The following MAPK10 variants were observed in gnomAD, a reference collection of about 807,000 sequenced individuals.
The protein encoded by MAPK10 is mitogen-activated protein kinase 10.
In MAPK10, 25 loss-of-function variants were observed where a neutral mutation model predicts 59.3. That is an observed-to-expected ratio of 0.42 (90% CI 0.31 to 0.59). MAPK10 has a LOEUF of 0.59. MAPK10 is among the 20% of genes least tolerant of loss of function. The pLI is 0.15. For synonymous variants in MAPK10, 190 were observed against 200.5 expected (o/e 0.95, Z 0.44); for missense variants, 351 against 568.9 (o/e 0.62, Z 3.90).
At chr4:86,061,523 C>A (rs1241155013) in intron 11 of MAPK10, among the ~76,000 whole-genome samples, 2 of 152,108 alleles carry the variant, frequency 1.3e-5, no homozygotes, top group Admixed American at 6.6e-5. Flanking sequence ...GACTAATTTT[C>A]CCTCTCAGAA....
upstream of MAPK10, among the ~76,000 whole-genome samples, chr4:86,361,017 G>A (rs1736852892): frequency 3.3e-5 from 5 of 151,992 alleles, no homozygotes; most frequent in South Asian, 1.0e-3. Context: ...TTTTGAGGTG[G>A]GTTTCTGTTT....
At chr4:86,427,205 C>T (rs1413160557) in intron 1 of MAPK10, among the ~76,000 whole-genome samples, 8 of 145,852 alleles carry the variant, frequency 5.5e-5, no homozygotes, top group African/African-American at 1.5e-4. Context: ...TGCAGTGAGC[C>T]GAGATCGCGC....
rs993639490 is a variant in MAPK10, at chr4:86,013,273, G to A, written c.*3955C>T. The A allele has an allele frequency of 4.6e-5, 7 of 152,228 alleles. 1 individual carries two copies. Among genetic ancestry groups the A allele is most frequent in the Admixed American group, 1.3e-4 (2 of 15,290 alleles). 9.4% of individuals were successfully genotyped at this position (152,228 alleles called of 1,614,324 possible). On this transcript the variant is annotated 3_prime_UTR_variant, in exon 14 of 14. Transcript: ENST00000641462. ...ACTTTTTTGTTGTTTTTACAGAGAGGAGTTTCCTTGCTTGGCTTAATGATA... is the reference window on the plus strand; with the variant it reads ...ACTTTTTTGTTGTTTTTACAGAGAGAAGTTTCCTTGCTTGGCTTAATGATA...
intron 2 of MAPK10, among the ~76,000 whole-genome samples, chr4:86,215,237 T>C (rs2087134314): frequency 6.6e-6 from 1 of 152,188 alleles, no homozygotes; most frequent in South Asian, 2.1e-4. Flanking sequence ...GACCTTTACC[T>C]AACAACAAAT....
At chr4:86,309,584 C>T (rs778633364) in intron 2 of MAPK10, among the ~76,000 whole-genome samples, 4 of 152,118 alleles carry the variant, frequency 2.6e-5, no homozygotes, top group African/African-American at 4.8e-5. Context: ...ACCTAGAAAT[C>T]GTTCGTGGTG....
intron 1 of MAPK10, among the ~76,000 whole-genome samples, chr4:86,394,112 A>C (rs1742604268): frequency 1.3e-5 from 2 of 152,096 alleles, no homozygotes. Context: ...CTTTACTAAA[A>C]ACACAAATTA....
chr4:86,528,880 A>G (rs1757668505), intron 1 of MAPK10, among the ~76,000 whole-genome samples: 1 of 152,210 alleles, frequency 6.6e-6, no homozygotes, highest in African/African-American at 2.4e-5. Flanking sequence ...CTTCGATTTT[A>G]TATTCAATCA....
chr4:86,454,406 C>A (rs1283633120), upstream of MAPK10, among the ~76,000 whole-genome samples: 1 of 152,042 alleles, frequency 6.6e-6, no homozygotes, highest in Non-Finnish European at 1.5e-5. Context: ...ATGAAATAGA[C>A]AGCATAAATA....
At chr4:86,543,033 G>C (rs113368122) in intron 1 of MAPK10, among the ~76,000 whole-genome samples, 17 of 152,150 alleles carry the variant, frequency 1.1e-4, no homozygotes, top group African/African-American at 4.1e-4. Context: ...GGCAAGGAAG[G>C]TTCACGTATA....
At chr4:86,375,713 TAAAAAAAAAAAAAAA>T (rs56189009) in intron 1 of MAPK10, among the ~76,000 whole-genome samples, 2 of 33,322 alleles carry the variant, frequency 6.0e-5, no homozygotes, top group Admixed American at 5.4e-4. Context: ...AGGTCCACTC[TAAAAAAAAAAAAAAA>T]AAAAAAAAAA....
At chr4:86,475,470 C>T (rs1321660578) in intron 1 of MAPK10, among the ~76,000 whole-genome samples, 2 of 152,166 alleles carry the variant, frequency 1.3e-5, no homozygotes, top group Non-Finnish European at 2.9e-5. Flanking sequence ...CAATCTCTCC[C>T]TTCTCTTAAT....
At chr4:86,166,617 G>A (rs1324419565) in intron 3 of MAPK10, among the ~76,000 whole-genome samples, 1 of 152,138 alleles carries the variant, frequency 6.6e-6, no homozygotes, top group East Asian at 1.9e-4. Context: ...AACCAACAGA[G>A]TTCAGAATTA....
At chr4:86,181,614 C>A (rs1459592705) in intron 3 of MAPK10, among the ~76,000 whole-genome samples, 1 of 152,034 alleles carries the variant, frequency 6.6e-6, no homozygotes, top group Non-Finnish European at 1.5e-5. Flanking sequence ...AAACACATTT[C>A]TACTTAGGAA....
intron 9 of MAPK10, among the ~76,000 whole-genome samples, chr4:86,094,398 A>C (rs1028816776): frequency 6.6e-6 from 1 of 151,994 alleles, no homozygotes; most frequent in African/African-American, 2.4e-5. Flanking sequence ...TCCAGCTGTT[A>C]GCTTTGGATA....
intron 2 of MAPK10, among the ~76,000 whole-genome samples, chr4:86,304,517 C>A (rs887151755): frequency 1.3e-5 from 2 of 151,116 alleles, no homozygotes; most frequent in African/African-American, 4.9e-5. Context: ...CTCAGCCTCC[C>A]GAGTAGCTGG....
At chr4:86,456,082 T>C (rs1751201929), upstream of MAPK10, among the ~76,000 whole-genome samples, 1 of 152,120 alleles carries the variant, frequency 6.6e-6, no homozygotes, top group African/African-American at 2.4e-5. Context: ...GAAATCAAGA[T>C]GGAAATTTAA....
At chr4:86,229,391 A>T (rs2091193067) in intron 2 of MAPK10, among the ~76,000 whole-genome samples, 1 of 152,226 alleles carries the variant, frequency 6.6e-6, no homozygotes, top group South Asian at 2.1e-4. Flanking sequence ...CATTAAGATG[A>T]ATCTATATTA....
intron 4 of MAPK10, among the ~76,000 whole-genome samples, chr4:86,147,065 T>A (rs1021374282): frequency 2.0e-5 from 3 of 152,060 alleles, no homozygotes; most frequent in African/African-American, 7.2e-5. Flanking sequence ...TTTTGATTAA[T>A]ATATTTTTCT....
intron 1 of MAPK10, among the ~76,000 whole-genome samples, chr4:86,556,630 G>A (rs1237997145): frequency 6.6e-6 from 1 of 152,018 alleles, no homozygotes; most frequent in Non-Finnish European, 1.5e-5. Flanking sequence ...ACAAATACCA[G>A]AGAAAAGAGA....
Sources: gnomAD v4.1 joint callset for allele counts (sites outside exome capture counted in the v4.1 genomes callset) on GRCh38, gnomAD v4.1.1 for gene constraint, MANE v1.5 for transcripts, NCBI Gene and HGNC (gene_info 2026-07-23, HGNC 2026-07-21) for gene names.